CHRM3: variants seen among roughly 807,000 people sequenced by gnomAD.
CHRM3 encodes muscarinic acetylcholine receptor M3.
In CHRM3, 11 loss-of-function variants were observed where a neutral mutation model predicts 41.8. That is an observed-to-expected ratio of 0.26 (90% CI 0.17 to 0.44). CHRM3 has a LOEUF of 0.44. Among genes scored for constraint, CHRM3 ranks in the 20% least tolerant of loss-of-function variants. The pLI is 1.00. For synonymous variants in CHRM3, 297 were observed against 301.4 expected, an observed-to-expected ratio of 0.99 and a Z score of 0.15; for missense variants, 571 against 745.4, an observed-to-expected ratio of 0.77 and a Z score of 2.72.
chr1:239,843,951 C>T (rs1316035767), intron 6 of CHRM3, among the ~76,000 whole-genome samples: 2 of 151,982 alleles, frequency 1.3e-5, no homozygotes, highest in Admixed American at 6.6e-5. Context: ...TATAGACACA[C>T]ATACACATAT....
At chr1:239,577,151 AT>A (rs1182853427) in intron 3 of CHRM3, among the ~76,000 whole-genome samples, 11 of 151,938 alleles carry the variant, frequency 7.2e-5, no homozygotes, top group Non-Finnish European at 1.6e-4. Flanking sequence ...TTCTGACTAG[AT>A]TTTTTCTCTA....
intron 5 of CHRM3, among the ~76,000 whole-genome samples, chr1:239,753,406 G>T (rs1665988069): frequency 1.3e-5 from 2 of 152,108 alleles, no homozygotes; most frequent in African/African-American, 2.4e-5. Context: ...TTGCTGAAAG[G>T]CCTCAGGAAA....
intron 6 of CHRM3, among the ~76,000 whole-genome samples, chr1:239,858,521 G>GAAAA (rs35735156): frequency 2.9e-4 from 42 of 143,712 alleles, no homozygotes; most frequent in African/African-American, 8.0e-4. Context: ...TTTTCATTTG[G>GAAAA]AAAAAAAAAA....
intron 6 of CHRM3, among the ~76,000 whole-genome samples, chr1:239,871,248 T>A (rs1394575470): frequency 2.0e-5 from 3 of 152,136 alleles, no homozygotes; most frequent in African/African-American, 7.2e-5. Context: ...ATATTATTAT[T>A]ATATTATTTT....
intron 5 of CHRM3, among the ~76,000 whole-genome samples, chr1:239,813,697 C>T (rs1380062318): frequency 6.9e-6 from 1 of 145,166 alleles, no homozygotes; most frequent in Admixed American, 6.9e-5. Flanking sequence ...GCGGGCGGAT[C>T]ACGAGGTCAG....
chr1:239,623,107 A>G (rs1158201175), intron 3 of CHRM3, among the ~76,000 whole-genome samples: 3 of 152,172 alleles, frequency 2.0e-5, no homozygotes, highest in African/African-American at 7.2e-5. Flanking sequence ...AGTATTTTCT[A>G]GCAATAAAGG....
intron 6 of CHRM3, among the ~76,000 whole-genome samples, chr1:239,900,171 G>A (rs998492576): frequency 1.5e-4 from 23 of 152,178 alleles, no homozygotes; most frequent in African/African-American, 5.6e-4. Flanking sequence ...TCAGGATGAG[G>A]AAGGAATATT....
intron 1 of CHRM3, among the ~76,000 whole-genome samples, chr1:239,410,071 T>G (rs1660948526): frequency 6.6e-6 from 1 of 152,214 alleles, no homozygotes; most frequent in Non-Finnish European, 1.5e-5. Context: ...AGTTATCTAG[T>G]GTTCTTTCTT....
chr1:239,695,084 C>G (rs1011909575), intron 5 of CHRM3, among the ~76,000 whole-genome samples: 1 of 152,192 alleles, frequency 6.6e-6, no homozygotes, highest in Non-Finnish European at 1.5e-5. Flanking sequence ...CATCTCAGCT[C>G]GCTGCAACCT....
intron 6 of CHRM3, among the ~76,000 whole-genome samples, chr1:239,884,318 G>A (rs969158251): frequency 1.3e-5 from 2 of 152,142 alleles, no homozygotes; most frequent in Admixed American, 6.5e-5. Context: ...AACCATGGAG[G>A]CAGAGATTGA....
chr1:239,550,189 C>T (rs558286680), intron 3 of CHRM3, among the ~76,000 whole-genome samples: 1 of 152,280 alleles, frequency 6.6e-6, no homozygotes, highest in Non-Finnish European at 1.5e-5. Flanking sequence ...CTTAGATGTA[C>T]TGTCCGTTAA....
intron 5 of CHRM3, chr1:239,718,753 A>G (rs978249627): frequency 1.3e-5 from 2 of 152,122 alleles, no homozygotes; most frequent in Non-Finnish European, 2.9e-5. Context: ...CACTAGTAGC[A>G]ATTTAACTAC....
chr1:239,877,105 A>G (rs545957452), intron 6 of CHRM3, among the ~76,000 whole-genome samples: 3 of 152,352 alleles, frequency 2.0e-5, no homozygotes, highest in Admixed American at 2.0e-4. Context: ...ACCCAGACAT[A>G]CACACACAGA....
chr1:239,477,237 C>T (rs1046048576), intron 1 of CHRM3, among the ~76,000 whole-genome samples: 11 of 152,092 alleles, frequency 7.2e-5, no homozygotes, highest in African/African-American at 2.7e-4. Context: ...CCTGAGTTTT[C>T]AATTCTAAAA....
intron 1 of CHRM3, among the ~76,000 whole-genome samples, chr1:239,407,636 T>C (rs1660718437): frequency 6.6e-6 from 1 of 152,126 alleles, no homozygotes; most frequent in Non-Finnish European, 1.5e-5. Flanking sequence ...ATTAATGCTG[T>C]CACTCACAAT....
At chr1:239,528,203 TAGAC>T (rs1670130795) in intron 2 of CHRM3, among the ~76,000 whole-genome samples, 1 of 152,202 alleles carries the variant, frequency 6.6e-6, no homozygotes, top group Admixed American at 6.5e-5. Context: ...TGCGAGCTCA[TAGAC>T]AGACCTCTTT....
intron 1 of CHRM3, among the ~76,000 whole-genome samples, chr1:239,416,252 G>C (rs1661494486): frequency 6.6e-6 from 1 of 151,974 alleles, no homozygotes; most frequent in South Asian, 2.1e-4. Flanking sequence ...CTAACGTTTA[G>C]ATTCAAACAA....
intron 3 of CHRM3, among the ~76,000 whole-genome samples, chr1:239,596,161 CT>C (rs1664751682): frequency 6.6e-6 from 1 of 152,166 alleles, no homozygotes; most frequent in African/African-American, 2.4e-5. Context: ...CTCTCTAAGG[CT>C]GCCTGCTTTT....
At chr1:239,562,589 T>G (rs1032736086) in intron 3 of CHRM3, among the ~76,000 whole-genome samples, 75 of 151,902 alleles carry the variant, frequency 4.9e-4, no homozygotes, top group African/African-American at 1.8e-3. Flanking sequence ...TTATTATTAT[T>G]ATTATTTTTA....
Sources: allele counts gnomAD v4.1 joint callset (sites outside exome capture counted in the v4.1 genomes callset), GRCh38; gene constraint gnomAD v4.1.1; transcripts MANE v1.5; gene names NCBI Gene and HGNC (gene_info 2026-07-23, HGNC 2026-07-21).